DLG2: variants seen among roughly 807,000 people sequenced by gnomAD.
The protein encoded by DLG2 is discs large MAGUK scaffold protein 2.
Under a neutral mutation model 132.5 loss-of-function variants are expected in DLG2, and 45 were observed. The observed-to-expected ratio is 0.34, with a 90% CI of 0.27 to 0.44. The LOEUF (loss-of-function observed/expected upper bound fraction) is 0.44, where lower values mean the gene tolerates loss of function less well. Among genes scored for constraint, DLG2 ranks in the 20% least tolerant of loss-of-function variants. The pLI is 1.00. For missense variants in DLG2, 1,045 were observed against 1,196.9 expected (o/e 0.87, Z 1.87); for synonymous variants, 424 against 419.6 (o/e 1.01, Z -0.13).
chr11:84,906,861 CCTT>C (rs896608261), intron 6 of DLG2, among the ~76,000 whole-genome samples: 3 of 152,178 alleles, frequency 2.0e-5, no homozygotes, highest in African/African-American at 7.2e-5. Context: ...AAATTCATTC[CCTT>C]CTTCTTTAAA....
At chr11:85,250,693 A>T (rs2076355834) in intron 4 of DLG2, among the ~76,000 whole-genome samples, 1 of 152,168 alleles carries the variant, frequency 6.6e-6, no homozygotes, top group Admixed American at 6.5e-5. Flanking sequence ...AAAGAAACAT[A>T]AACTGCTAAC....
intron 7 of DLG2, among the ~76,000 whole-genome samples, chr11:84,431,737 A>C (rs2098985308): frequency 6.6e-6 from 1 of 152,136 alleles, no homozygotes; most frequent in South Asian, 2.1e-4. Context: ...TAAACACTTT[A>C]TTTATATTAA....
At chr11:85,440,090 A>G (rs559680972) in intron 3 of DLG2, among the ~76,000 whole-genome samples, 2 of 152,230 alleles carry the variant, frequency 1.3e-5, no homozygotes, top group Non-Finnish European at 2.9e-5. Flanking sequence ...AAATTATAAT[A>G]TGACTAATAT....
At chr11:85,369,120 G>A (rs566052118) in intron 3 of DLG2, among the ~76,000 whole-genome samples, 1 of 151,964 alleles carries the variant, frequency 6.6e-6, no homozygotes, top group Non-Finnish European at 1.5e-5. Context: ...GAGGGTGGGG[G>A]AAACAAGCCG....
chr11:85,601,146 C>T (rs1307198552), intron 2 of DLG2, among the ~76,000 whole-genome samples: 1 of 152,038 alleles, frequency 6.6e-6, no homozygotes, highest in African/African-American at 2.4e-5. Flanking sequence ...GTATTTATTA[C>T]TTTTTAATAT....
chr11:84,094,889 G>T (rs1489727021), intron 10 of DLG2, among the ~76,000 whole-genome samples: 1 of 152,088 alleles, frequency 6.6e-6, no homozygotes, highest in South Asian at 2.1e-4. Flanking sequence ...GAAACACCAA[G>T]GATTTGTTTA....
intron 3 of DLG2, among the ~76,000 whole-genome samples, chr11:85,434,167 A>G (rs2091346723): frequency 6.6e-6 from 1 of 152,186 alleles, no homozygotes; most frequent in Non-Finnish European, 1.5e-5. Context: ...GAACACAGCT[A>G]AAGCTGTGTT....
In DLG2 at chr11:84,246,873, C is replaced by T. The variant is rs149218678; in HGVS notation, c.573+4365G>A. Among the ~76,000 whole-genome samples, 533 of 152,134 alleles carry T rather than the reference C, an allele frequency of 3.5e-3. 4 individuals carry two copies. Among genetic ancestry groups the T allele is most frequent in the African/African-American group, 0.012 (500 of 41,522 alleles). On this transcript the variant is annotated intron_variant, in intron 8 of 27. Transcript: ENST00000376104. ...GAGAAGAAAAAAATGCTTATTGCCG[C>T]TGATTTTTTTTTGGTTGTGGTTACA...
At chr11:84,717,404 T>G (rs549735894) in intron 6 of DLG2, among the ~76,000 whole-genome samples, 18 of 152,166 alleles carry the variant, frequency 1.2e-4, no homozygotes, top group African/African-American at 2.9e-4. Flanking sequence ...ATCAATATTG[T>G]AAGAAATGTA....
intron 6 of DLG2, among the ~76,000 whole-genome samples, chr11:84,969,767 C>A (rs1486260437): frequency 6.6e-6 from 1 of 152,012 alleles, no homozygotes. Flanking sequence ...TGGAACCAAC[C>A]CAAATACCCA....
chr11:84,207,070 T>G (rs2096677221), intron 8 of DLG2, among the ~76,000 whole-genome samples: 1 of 96,810 alleles, frequency 1.0e-5, no homozygotes, highest in Non-Finnish European at 2.5e-5. Flanking sequence ...TCTCTCTCTC[T>G]CTCTCTCTCT....
At chr11:83,825,132 T>TACAC (rs1215213187) in intron 17 of DLG2, among the ~76,000 whole-genome samples, 8 of 127,600 alleles carry the variant, frequency 6.3e-5, no homozygotes, top group South Asian at 2.4e-4. Flanking sequence ...CATATATATA[T>TACAC]ACACACACAC....
intron 6 of DLG2, among the ~76,000 whole-genome samples, chr11:84,917,584 T>C (rs774229824): frequency 4.6e-5 from 7 of 152,178 alleles, no homozygotes; most frequent in East Asian, 1.9e-4. Flanking sequence ...TCTTAGGTCA[T>C]TGGGAAGCAT....
intron 7 of DLG2, among the ~76,000 whole-genome samples, chr11:84,339,375 T>C (rs1476814263): frequency 6.6e-6 from 1 of 152,236 alleles, no homozygotes; most frequent in African/African-American, 2.4e-5. Context: ...TTCCATCTTA[T>C]AGTTAAAGCT....
rs148641103 is a variant in DLG2, at chr11:84,822,757, G to A, written c.358-288026C>T. The stretch of plus-strand genomic sequence containing the variant: ...TGTCTACACTTTTCAGAAATACAAT[G>A]AGGATATAAAAAATACTTTCACCAG... On this transcript the variant is annotated intron_variant, in intron 6 of 27. Transcript: ENST00000376104. Among the ~76,000 whole-genome samples the A allele has an allele frequency of 1.4e-3, 211 of 152,022 alleles. 2 individuals are homozygous for A. The highest frequency in any genetic ancestry group is 4.9e-3 in the African/African-American group (202 of 41,542).
chr11:84,971,655 CT>C (rs1219936998), intron 6 of DLG2, among the ~76,000 whole-genome samples: 1 of 151,850 alleles, frequency 6.6e-6, no homozygotes, highest in Non-Finnish European at 1.5e-5. Context: ...TCCTGGATAA[CT>C]TTTTTTTCAA....
chr11:83,622,858 C>T (rs2061840954), intron 19 of DLG2, among the ~76,000 whole-genome samples: 1 of 152,110 alleles, frequency 6.6e-6, no homozygotes, highest in African/African-American at 2.4e-5. Context: ...GTTCCATATG[C>T]ATATCAGAAG....
chr11:85,405,857 T>C (rs2088676816), intron 3 of DLG2, among the ~76,000 whole-genome samples: 1 of 152,006 alleles, frequency 6.6e-6, no homozygotes, highest in Non-Finnish European at 1.5e-5. Context: ...GAAAATTATG[T>C]AAAGTGAATC....
chr11:84,972,273 G>T (rs149193112), intron 6 of DLG2, among the ~76,000 whole-genome samples: 1 of 152,240 alleles, frequency 6.6e-6, no homozygotes, highest in East Asian at 1.9e-4. Flanking sequence ...AATAGGCTCT[G>T]AAGGAATTGT....
Sources: allele counts gnomAD v4.1 joint callset (sites outside exome capture counted in the v4.1 genomes callset), GRCh38; gene constraint gnomAD v4.1.1; transcripts MANE v1.5; gene names NCBI Gene and HGNC (gene_info 2026-07-23, HGNC 2026-07-21).